Variants in SPATA6 observed in about 807,000 individuals in gnomAD.
The protein encoded by SPATA6 is spermatogenesis associated 6.
SPATA6 carries 56 observed loss-of-function variants against 65.3 expected under a neutral mutation model. The ratio of observed to expected loss-of-function variants is 0.86; its 90% CI spans 0.69 to 1.07. The LOEUF is 1.07. Ranked by LOEUF, SPATA6 falls within the 50% of genes least tolerant of loss-of-function variation. The probability of loss-of-function intolerance (pLI) is 0.00; values close to 1 mark genes in which losing one functional copy is unlikely to be tolerated. For missense variants in SPATA6, 590 were observed against 594.8 expected (o/e 0.99, Z 0.08); for synonymous variants, 199 against 213.2 (o/e 0.93, Z 0.58).
chr1:48,313,593 C>A (rs1645297448), intron 11 of SPATA6, among the ~76,000 whole-genome samples: 1 of 152,066 alleles, frequency 6.6e-6, no homozygotes, highest in Non-Finnish European at 1.5e-5. Context: ...CAAAAACATG[C>A]CAAATTGTAA....
chr1:48,322,345 C>A (rs1645622569), intron 11 of SPATA6, among the ~76,000 whole-genome samples: 2 of 151,988 alleles, frequency 1.3e-5, no homozygotes, highest in Non-Finnish European at 2.9e-5. Context: ...ATAAATGGGG[C>A]TGGGAAAACT....
rs541536789 is a variant in SPATA6, at chr1:48,329,355, C to T, written c.1195-23477G>A. On this transcript the variant is annotated intron_variant, in intron 11 of 12. Transcript: ENST00000371847. ...TTAAAATCAATAACATAAGCCTCTA[C>T]TTTAAAGGACTAGAAGAAAAAGTAG... Among the ~76,000 whole-genome samples the T allele has an allele frequency of 1.2e-4, 18 of 152,200 alleles. No individual in the cohort carries two copies. The South Asian group carries it at 3.7e-3, about 32-fold the overall frequency.
intron 3 of SPATA6, among the ~76,000 whole-genome samples, chr1:48,428,594 G>A (rs1654063583): frequency 6.6e-6 from 1 of 152,114 alleles, no homozygotes; most frequent in Non-Finnish European, 1.5e-5. Context: ...GTGGAAATAT[G>A]TATGAACATA....
At chr1:48,377,788 A>C (rs1477657108) in intron 9 of SPATA6, among the ~76,000 whole-genome samples, 1 of 152,224 alleles carries the variant, frequency 6.6e-6, no homozygotes, top group African/African-American at 2.4e-5. Context: ...TATAGGTGTA[A>C]TAGAAATTGC....
chr1:48,293,047 G>C (rs1231689455), downstream of SPATA6, among the ~76,000 whole-genome samples: 1 of 152,206 alleles, frequency 6.6e-6, no homozygotes, highest in African/African-American at 2.4e-5. Flanking sequence ...AGGGTGCTGG[G>C]GTCATCTGAA....
At chr1:48,303,148 G>A (rs528336727) in intron 12 of SPATA6, among the ~76,000 whole-genome samples, 9 of 151,968 alleles carry the variant, frequency 5.9e-5, no homozygotes, top group South Asian at 2.1e-4. Flanking sequence ...TTTTTAAATC[G>A]ATACATAATA....
At chr1:48,458,019 T>C (rs1038492245) in intron 1 of SPATA6, among the ~76,000 whole-genome samples, 1 of 151,000 alleles carries the variant, frequency 6.6e-6, no homozygotes, top group African/African-American at 2.4e-5. Context: ...AAAGGTTTTC[T>C]GTAATAGTGA....
At chr1:48,321,522 A>G (rs1645598054) in intron 11 of SPATA6, among the ~76,000 whole-genome samples, 1 of 152,196 alleles carries the variant, frequency 6.6e-6, no homozygotes, top group Non-Finnish European at 1.5e-5. Flanking sequence ...CCAGATATAT[A>G]AAGCAAATAT....
chr1:48,403,690 A>AC, intron 6 of SPATA6, 112 bp downstream of exon 6: 2 of 726,912 alleles, frequency 2.8e-6, no homozygotes, highest in Non-Finnish European at 2.2e-6. Flanking sequence ...CTAAAAATTG[A>AC]CCCCCCAAAA....
chr1:48,441,112 G>A (rs1655424094), intron 3 of SPATA6, among the ~76,000 whole-genome samples: 1 of 152,146 alleles, frequency 6.6e-6, no homozygotes, highest in African/African-American at 2.4e-5. Flanking sequence ...GCAATCACTG[G>A]AAGGCACACT....
chr1:48,417,945 T>C (rs1340641822), intron 3 of SPATA6, among the ~76,000 whole-genome samples: 1 of 152,204 alleles, frequency 6.6e-6, no homozygotes, highest in Non-Finnish European at 1.5e-5. Context: ...CATCCAATAG[T>C]TCTCTGACCT....
chr1:48,287,605 C>A, the SPATA6 span, among the ~76,000 whole-genome samples: 2 of 152,186 alleles, frequency 1.3e-5, no homozygotes, highest in African/African-American at 4.8e-5. Context: ...TGGGGCCTCT[C>A]CCTTCTCTCT....
intron 8 of SPATA6, among the ~76,000 whole-genome samples, chr1:48,390,569 G>A (rs1258763383): frequency 1.3e-5 from 2 of 152,146 alleles, no homozygotes; most frequent in Non-Finnish European, 2.9e-5. Context: ...GACTTAAATT[G>A]TTCCCAACAT....
At chr1:48,309,484 TA>T (rs1221249087) in intron 11 of SPATA6, among the ~76,000 whole-genome samples, 1 of 152,194 alleles carries the variant, frequency 6.6e-6, no homozygotes, top group East Asian at 1.9e-4. Context: ...TTTGGTTACT[TA>T]AAAAATAGTT....
intron 5 of SPATA6, among the ~76,000 whole-genome samples, chr1:48,404,543 A>G (rs910583790): frequency 7.9e-5 from 12 of 151,974 alleles, no homozygotes; most frequent in Non-Finnish European, 1.6e-4. Context: ...GGATCTCACT[A>G]TGTCATGCAG....
chr1:48,436,752 C>T (rs1654977632), intron 3 of SPATA6: 17 of 1,614,178 alleles, frequency 1.1e-5, no homozygotes, highest in Non-Finnish European at 1.4e-5. Flanking sequence ...GTGAATTAGC[C>T]AGTGGGCAGG....
intron 9 of SPATA6, among the ~76,000 whole-genome samples, chr1:48,367,353 T>A (rs1312919168): frequency 6.6e-6 from 1 of 152,168 alleles, no homozygotes; most frequent in Non-Finnish European, 1.5e-5. Flanking sequence ...GGTATCCTTG[T>A]TAACTTTCTG....
At chr1:48,470,148 T>C (rs1016285545) in intron 1 of SPATA6, among the ~76,000 whole-genome samples, 3 of 152,252 alleles carry the variant, frequency 2.0e-5, no homozygotes, top group African/African-American at 4.8e-5. Flanking sequence ...TTCACTTTTC[T>C]GCAATACAAC....
At chr1:48,378,941 T>C (rs1648234250) in intron 9 of SPATA6, among the ~76,000 whole-genome samples, 1 of 152,228 alleles carries the variant, frequency 6.6e-6, no homozygotes, top group South Asian at 2.1e-4. Flanking sequence ...GTGTCATTTA[T>C]TATACAACAA....
Sources: gnomAD v4.1 joint callset for allele counts (sites outside exome capture counted in the v4.1 genomes callset) on GRCh38, gnomAD v4.1.1 for gene constraint, MANE v1.5 for transcripts, NCBI Gene and HGNC (gene_info 2026-07-23, HGNC 2026-07-21) for gene names.